Variants in KCNC2 observed in about 807,000 individuals in gnomAD.
KCNC2 encodes the protein voltage-gated potassium channel KCNC2.
Under a neutral mutation model 44.5 loss-of-function variants are expected in KCNC2, and 21 were observed. The observed-to-expected ratio is 0.47, with a 90% CI of 0.33 to 0.68. KCNC2 has a LOEUF of 0.68. Among genes scored for constraint, KCNC2 ranks in the 30% least tolerant of loss-of-function variants. The pLI, the probability that KCNC2 is intolerant of heterozygous loss-of-function variation, is 0.01. For missense variants in KCNC2, 589 were observed against 826.2 expected (o/e 0.71, Z 3.52); for synonymous variants, 391 against 339.1 (o/e 1.15, Z -1.68).
At position 75,043,212 on chromosome 12, in the gene KCNC2, T is replaced by C. The variant is rs757966237; in HGVS notation, c.1810A>G (p.Ile604Val). The change falls in exon 5 of 5, where the codon ATA becomes GTA. Residue 604 changes from isoleucine (I) to valine (V), a missense_variant. By Grantham distance (29) the Ile-to-Val change is conservative. This residue lies in a region of KCNC2 where 171 missense variants were observed against 182.4 expected (regional missense o/e 0.94). Transcript: ENST00000549446. The part of the protein sequence containing the change: ...GYEKSRSLNN[I>V]AGLAGNALRL... ...AGAGCATTGCCTGCCAAGCCCGCTATGTTGTTTAAGCTTCGGGATTTTTCA... is the reference window on the plus strand; with the variant it reads ...AGAGCATTGCCTGCCAAGCCCGCTACGTTGTTTAAGCTTCGGGATTTTTCA... The C allele has an allele frequency of 3.1e-6, 5 of 1,612,406 alleles. No individual in the cohort carries two copies. The highest frequency in any genetic ancestry group is 4.2e-6 in the Non-Finnish European group (5 of 1,178,950).
At chr12:75,191,227 T>C (rs1165099235) in intron 2 of KCNC2, among the ~76,000 whole-genome samples, 1 of 151,816 alleles carries the variant, frequency 6.6e-6, no homozygotes, top group Non-Finnish European at 1.5e-5. Flanking sequence ...ACTATGTTCT[T>C]GCCTGTGAAG....
At chr12:75,203,085 C>A (rs1034154061) in intron 2 of KCNC2, among the ~76,000 whole-genome samples, 3 of 151,670 alleles carry the variant, frequency 2.0e-5, no homozygotes, top group Non-Finnish European at 4.4e-5. Context: ...GCCATTAATT[C>A]TTTTAATTAG....
intron 2 of KCNC2, among the ~76,000 whole-genome samples, chr12:75,130,750 T>G (rs1888779371): frequency 6.6e-6 from 1 of 151,436 alleles, no homozygotes; most frequent in African/African-American, 2.4e-5. Context: ...CATACAGAAG[T>G]TTTCACATAT....
chr12:75,179,307 A>T (rs984637317), intron 2 of KCNC2, among the ~76,000 whole-genome samples: 1 of 151,924 alleles, frequency 6.6e-6, no homozygotes, highest in Admixed American at 6.6e-5. Flanking sequence ...GAAAGAGACT[A>T]TCATCTTCAT....
At chr12:75,114,652 G>C (rs936640013) in intron 2 of KCNC2, among the ~76,000 whole-genome samples, 1 of 152,072 alleles carries the variant, frequency 6.6e-6, no homozygotes, top group Non-Finnish European at 1.5e-5. Flanking sequence ...AAGCCTGAGT[G>C]ATGTAAGGAA....
At chr12:75,120,661 T>C (rs1357977787) in intron 2 of KCNC2, among the ~76,000 whole-genome samples, 1 of 152,118 alleles carries the variant, frequency 6.6e-6, no homozygotes. Context: ...GAGAGGCTCT[T>C]ACAAAAGACT....
intron 2 of KCNC2, among the ~76,000 whole-genome samples, chr12:75,177,048 A>ATG (rs996952282): frequency 6.7e-6 from 1 of 149,012 alleles, no homozygotes; most frequent in African/African-American, 2.5e-5. Context: ...ATATATATAT[A>ATG]TATATATATA....
chr12:75,207,656 C>A lies in KCNC2; in HGVS notation c.328G>T (p.Val110Phe), dbSNP rs954132371. Residue 110 changes from valine to phenylalanine, a missense_variant, in exon 2 of 5, where the codon GTC (valine) becomes TTC (phenylalanine). Around this residue, in one of 7 missense-constraint regions of KCNC2, gnomAD observed 40 missense variants for 102.0 expected, o/e 0.39. Coordinates refer to ENST00000549446, the MANE Select transcript of KCNC2 (RefSeq NM_139137.4). The surrounding 1 kb of genome is among the most constrained non-coding windows in gnomAD (Gnocchi z 4.1). Reference protein sequence around the residue: ...REFFFDRHPGVFAYVLNYYRT... With the variant: ...REFFFDRHPGFFAYVLNYYRT... ...TAGTAATTGAGCACATAGGCGAAGA[C>A]GCCCGGGTGCCGGTCGAAGAAGAAC... is the stretch of plus-strand genomic sequence containing the variant. 2.3e-5 allele frequency: 37 copies of A among 1,611,074 alleles called. No homozygotes were observed. Among genetic ancestry groups the A allele is most frequent in the Non-Finnish European group, 2.7e-5 (32 of 1,179,594 alleles).
intron 2 of KCNC2, among the ~76,000 whole-genome samples, chr12:75,099,453 C>A (rs1217664799): frequency 2.0e-5 from 3 of 152,232 alleles, no homozygotes; most frequent in African/African-American, 7.2e-5. Flanking sequence ...GAATTCTGTA[C>A]TTTTGCTATT....
intron 2 of KCNC2, among the ~76,000 whole-genome samples, chr12:75,146,843 A>G (rs888972592): frequency 8.5e-5 from 13 of 152,188 alleles, no homozygotes; most frequent in African/African-American, 2.9e-4. Context: ...TAATGTAACC[A>G]TTGATTGGTT....
rs1228653663 is a variant in KCNC2 at position 75,207,344 on chromosome 12, G to A, written c.640C>T (p.Arg214Cys). 4 of 1,573,804 alleles carry A rather than the reference G, an allele frequency of 2.5e-6. No homozygotes were observed. Among genetic ancestry groups the A allele is most frequent in the Non-Finnish European group, 3.4e-6 (4 of 1,161,336 alleles). ...GGGTCTTCGAAGAGGGCCCACATGC[G>A]GGGCTGCAGCCTCCTCCAGCGGCCA... is the stretch of plus-strand genomic sequence containing the variant. ...KSGRWRRLQPRMWALFEDPYS... is the reference protein window; with the variant it reads ...KSGRWRRLQPCMWALFEDPYS... The change falls in exon 2 of 5, where the codon CGC becomes TGC. Residue 214 changes from arginine to cysteine, a missense_variant. Around this residue, in one of 7 missense-constraint regions of KCNC2, gnomAD observed 97 missense variants for 73.3 expected, o/e 1.32. Transcript: ENST00000549446. This position sits in a 1 kb window ranked among gnomAD's most constrained non-coding sequence, Gnocchi z 4.1.
At chr12:75,172,389 AG>A (rs1891889444) in intron 2 of KCNC2, among the ~76,000 whole-genome samples, 8 of 151,882 alleles carry the variant, frequency 5.3e-5, no homozygotes, top group Middle Eastern at 3.4e-3. Context: ...CTTAAAACCT[AG>A]GTGATGGATG....
At chr12:75,153,777 A>T (rs978282612) in intron 2 of KCNC2, among the ~76,000 whole-genome samples, 5 of 151,996 alleles carry the variant, frequency 3.3e-5, no homozygotes, top group Non-Finnish European at 7.4e-5. Context: ...AATGTTATTA[A>T]GAAAAACGTG....
chr12:75,057,617 C>T lies in KCNC2; in HGVS notation c.688-6300G>A, dbSNP rs1881883094. 2.6e-5 allele frequency among the ~76,000 whole-genome samples: 4 copies of T among 151,766 alleles called. No homozygotes were observed. The South Asian group carries it at 8.3e-4, about 31-fold the overall frequency. On this transcript the variant is annotated intron_variant, in intron 2 of 4. Transcript: ENST00000549446. ...GAAATCAGTAAAAAAGATTAGACTT[C>T]AGGTGTCTATATATAAATGTGTGTA... is the stretch of plus-strand genomic sequence containing the variant.
intron 2 of KCNC2, among the ~76,000 whole-genome samples, chr12:75,078,574 G>A (rs1050522281): frequency 6.6e-6 from 1 of 152,096 alleles, no homozygotes; most frequent in African/African-American, 2.4e-5. Flanking sequence ...CTGTGTACAT[G>A]TATGAACTCA....
chr12:75,061,546 T>A (rs1359575712), intron 2 of KCNC2, among the ~76,000 whole-genome samples: 1 of 146,432 alleles, frequency 6.8e-6, no homozygotes, highest in Non-Finnish European at 1.5e-5. Context: ...TACTGGGTGC[T>A]GAGAAATATA....
At chr12:75,056,398 G>A (rs1328493699) in intron 2 of KCNC2, among the ~76,000 whole-genome samples, 1 of 151,818 alleles carries the variant, frequency 6.6e-6, no homozygotes, top group Non-Finnish European at 1.5e-5. Flanking sequence ...AACATCATGG[G>A]AAAATCATGA....
intron 2 of KCNC2, among the ~76,000 whole-genome samples, chr12:75,115,763 C>A (rs1887616912): frequency 6.6e-6 from 1 of 151,712 alleles, no homozygotes; most frequent in Admixed American, 6.6e-5. Context: ...TTTTTTTAAA[C>A]AAAATTATTT....
intron 2 of KCNC2, among the ~76,000 whole-genome samples, chr12:75,123,022 CG>C (rs1888151738): frequency 6.6e-6 from 1 of 151,566 alleles, no homozygotes; most frequent in Admixed American, 6.6e-5. Context: ...CAAATAATTA[CG>C]CTAAATTAAA....
Sources: gnomAD v4.1 joint callset for allele counts (sites outside exome capture counted in the v4.1 genomes callset) on GRCh38, gnomAD v4.1.1 for gene constraint, gnomAD v4.1.1 regional missense constraint, Gnocchi (gnomAD v3.1) non-coding constraint, MANE v1.5 for transcripts, NCBI Gene and HGNC (gene_info 2026-07-23, HGNC 2026-07-21) for gene names.